Variants in ADGRV1 observed in about 807,000 individuals in gnomAD.
ADGRV1 encodes G-protein coupled receptor 98.
ADGRV1 carries 359 observed loss-of-function variants against 596.2 expected under a neutral mutation model. The observed-to-expected ratio is 0.60, with a 90% CI of 0.55 to 0.66. The LOEUF is 0.66. Ranked by LOEUF, ADGRV1 falls within the 30% of genes least tolerant of loss-of-function variation. ADGRV1 has a pLI of 0.00. For missense variants in ADGRV1, 7,274 were observed against 7,575.6 expected (o/e 0.96, Z 1.48); for synonymous variants, 2,681 against 2,679.2 (o/e 1.00, Z -0.02).
At chr5:90,580,176 C>T (rs1757812288) in intron 1 of ADGRV1, among the ~76,000 whole-genome samples, 1 of 152,122 alleles carries the variant, frequency 6.6e-6, no homozygotes, top group Non-Finnish European at 1.5e-5. Context: ...AGTTATTTTG[C>T]CCATTAATTG....
At chr5:91,107,126 G>C (rs774814490) in intron 87 of ADGRV1, among the ~76,000 whole-genome samples, 3 of 152,128 alleles carry the variant, frequency 2.0e-5, no homozygotes, top group Non-Finnish European at 4.4e-5. Context: ...GGTGGAATCT[G>C]ATCATTTGCA....
chr5:90,731,283 A>G (rs901240447), intron 50 of ADGRV1, among the ~76,000 whole-genome samples: 2 of 152,120 alleles, frequency 1.3e-5, no homozygotes, highest in Admixed American at 1.3e-4. Context: ...AGTGCTGCAC[A>G]CTTTTAAACA....
chr5:91,110,597 C>T (rs1237238282), intron 87 of ADGRV1, among the ~76,000 whole-genome samples: 1 of 152,170 alleles, frequency 6.6e-6, no homozygotes, highest in Non-Finnish European at 1.5e-5. Flanking sequence ...TTCTCTCACA[C>T]TTACTGTGTT....
At position 90,660,317 on chromosome 5, in the gene ADGRV1, T is replaced by C. The variant is rs1194456887; in HGVS notation, c.4752+2039T>C. Among the ~76,000 whole-genome samples the C allele has an allele frequency of 9.2e-5, 14 of 152,338 alleles. No individual in the cohort carries two copies. The East Asian group carries it at 2.7e-3, about 29-fold the overall frequency. ...GGAAAATATCAGCAGATTTTAATGA[T>C]ATCAACAAAAACTCTCTGGGGTTCT... On this transcript the variant is annotated intron_variant, in intron 21 of 89. Transcript: ENST00000405460.
chr5:90,854,933 C>T (rs896956422), intron 81 of ADGRV1, among the ~76,000 whole-genome samples: 1 of 152,164 alleles, frequency 6.6e-6, no homozygotes, highest in Admixed American at 6.5e-5. Flanking sequence ...TAAAAAAATT[C>T]CACTTGAAAT....
intron 75 of ADGRV1, among the ~76,000 whole-genome samples, chr5:90,817,734 C>T (rs909585026): frequency 9.2e-5 from 14 of 152,138 alleles, no homozygotes; most frequent in African/African-American, 1.9e-4. Context: ...AGATATGCGG[C>T]GTTACTTCTG....
In ADGRV1 at chr5:90,790,969, T is replaced by A; in HGVS notation, c.14140T>A (p.Phe4714Ile). 6.2e-7 allele frequency: 1 copy of A among 1,613,512 alleles called. No individual in the cohort carries two copies. Among genetic ancestry groups the A allele is most frequent in the Non-Finnish European group, 8.5e-7 (1 of 1,179,856 alleles). Reference protein sequence around the residue: ...TIADGESEASFDVHLLPDEVP... With the variant: ...TIADGESEASIDVHLLPDEVP... ...TGCTGATGGAGAGAGTGAAGCTAGC[T>A]TTGATGTTCATTTGCTACCAGATGA... The change falls in exon 70 of 90, where the codon TTT becomes ATT. Residue 4714 changes from phenylalanine to isoleucine, a missense_variant. Phe to Ile is a conservative substitution (Grantham distance 21). Transcript: ENST00000405460.
At chr5:90,895,615 T>C (rs1412840505) in intron 83 of ADGRV1, among the ~76,000 whole-genome samples, 1 of 152,196 alleles carries the variant, frequency 6.6e-6, no homozygotes, top group African/African-American at 2.4e-5. Flanking sequence ...TTCTTTTCTC[T>C]TTTTCTCAGT....
At position 90,681,312 on chromosome 5, in the gene ADGRV1, C is replaced by T; in HGVS notation, c.5525-3C>T. 1 of 1,611,210 alleles carries T rather than the reference C, an allele frequency of 6.2e-7. No individual in the cohort carries two copies. Among genetic ancestry groups the T allele is most frequent in the Non-Finnish European group, 8.5e-7 (1 of 1,178,806 alleles). ...TTCTATTTGTTGGAACTTGTTCATG[C>T]AGCCAGTCTAGGAGTGGCTTCCCAA... On this transcript the variant is annotated splice_polypyrimidine_tract_variant and splice_region_variant and intron_variant, in intron 26 of 89. Transcript: ENST00000405460.
At chr5:91,088,175 A>G (rs757610712) in intron 86 of ADGRV1, among the ~76,000 whole-genome samples, 1 of 152,212 alleles carries the variant, frequency 6.6e-6, no homozygotes, top group Non-Finnish European at 1.5e-5. Flanking sequence ...ACAATTTTAT[A>G]GAGACTGTAA....
At chr5:90,629,079 G>A in intron 8 of ADGRV1, 131 bp from the exon 9 acceptor site, 4 of 608,762 alleles carry the variant, frequency 6.6e-6, no homozygotes, top group Non-Finnish European at 7.6e-6. Context: ...GCTCTATTAT[G>A]TATAAGAAGT....
chr5:90,968,753 T>A (rs577124445), intron 84 of ADGRV1, among the ~76,000 whole-genome samples: 1 of 152,196 alleles, frequency 6.6e-6, no homozygotes, highest in Non-Finnish European at 1.5e-5. Context: ...TGTAGAAGGT[T>A]AGACTATTAT....
chr5:90,836,499 A>AT (rs933716700), intron 77 of ADGRV1, among the ~76,000 whole-genome samples: 1 of 152,186 alleles, frequency 6.6e-6, no homozygotes, highest in African/African-American at 2.4e-5. Context: ...GTATGATTCC[A>AT]TTTCTATAAT....
intron 21 of ADGRV1, among the ~76,000 whole-genome samples, chr5:90,668,598 A>G (rs575186626): frequency 2.3e-4 from 35 of 151,554 alleles, no homozygotes; most frequent in African/African-American, 8.2e-4. Context: ...GGAGCTGTAG[A>G]CCAGAGCTGT....
chr5:90,973,492 G>C (rs188623842), intron 84 of ADGRV1, among the ~76,000 whole-genome samples: 1 of 152,124 alleles, frequency 6.6e-6, no homozygotes, highest in Non-Finnish European at 1.5e-5. Context: ...CACATTAAAA[G>C]CTTATCCACC....
intron 67 of ADGRV1, among the ~76,000 whole-genome samples, chr5:90,785,343 G>C (rs1759315982): frequency 6.6e-6 from 1 of 152,278 alleles, no homozygotes; most frequent in South Asian, 2.1e-4. Flanking sequence ...ACATAGGCGT[G>C]GGCAAGGACT....
Position 90,917,925 on chromosome 5 carries a change from A to G in ADGRV1, c.17857-47490A>G, listed in dbSNP as rs571061818. Among the ~76,000 whole-genome samples, 13 of 152,130 alleles carry G rather than the reference A, an allele frequency of 8.5e-5. No homozygotes were observed. The East Asian group carries it at 1.5e-3, about 18-fold the overall frequency. On this transcript the variant is annotated intron_variant, in intron 83 of 89. Coordinates refer to ENST00000405460, the MANE Select transcript of ADGRV1 (RefSeq NM_032119.4). ...TTGTAAAGTGCTCATTATGCTGGGT[A>G]CTTTATCTGTCTTATTTTATTTAGT... is the stretch of plus-strand genomic sequence containing the variant.
intron 72 of ADGRV1, among the ~76,000 whole-genome samples, chr5:90,806,046 C>T (rs542740802): frequency 9.5e-4 from 144 of 152,258 alleles, no homozygotes; most frequent in East Asian, 3.9e-4. Context: ...ACCAGCCAAA[C>T]GCCATTTACA....
At chr5:90,691,384 C>CTTTT (rs34426784) in intron 31 of ADGRV1, among the ~76,000 whole-genome samples, 4 of 123,450 alleles carry the variant, frequency 3.2e-5, no homozygotes, top group Admixed American at 8.7e-5. Context: ...AAACTTTTTT[C>CTTTT]TTTTTTTTTT....
Sources: allele counts gnomAD v4.1 joint callset (sites outside exome capture counted in the v4.1 genomes callset), GRCh38; gene constraint gnomAD v4.1.1; transcripts MANE v1.5; gene names NCBI Gene and HGNC (gene_info 2026-07-23, HGNC 2026-07-21).